NOC3L: variants seen among roughly 807,000 people sequenced by gnomAD.
NOC3L encodes nucleolar complex protein 3 homolog.
Under a neutral mutation model 102.5 loss-of-function variants are expected in NOC3L, and 85 were observed. The observed-to-expected ratio is 0.83, with a 90% CI of 0.70 to 0.99. The LOEUF (loss-of-function observed/expected upper bound fraction) is 0.99, where lower values mean the gene tolerates loss of function less well. NOC3L is among the 50% of genes least tolerant of loss of function. The probability of loss-of-function intolerance (pLI) is 0.00; values close to 1 mark genes in which losing one functional copy is unlikely to be tolerated. For missense variants in NOC3L, 878 were observed against 914.9 expected (o/e 0.96, Z 0.52); for synonymous variants, 303 against 309.4 (o/e 0.98, Z 0.22).
intron 11 of NOC3L, among the ~76,000 whole-genome samples, chr10:94,345,408 T>C (rs2054331674): frequency 6.6e-6 from 1 of 152,076 alleles, no homozygotes; most frequent in Admixed American, 6.5e-5. Flanking sequence ...TTACATACAA[T>C]GCATAAAACT....
intron 1 of NOC3L, 42 bp downstream of exon 1, chr10:94,362,788 G>A (rs1234150456): frequency 6.2e-7 from 1 of 1,612,568 alleles, no homozygotes; most frequent in Non-Finnish European, 8.5e-7. Flanking sequence ...ATCACCCGAA[G>A]GGGCCCTAGG....
intron 5 of NOC3L, 36 bp from the exon 6 acceptor site, chr10:94,355,129 T>A: frequency 1.3e-6 from 2 of 1,536,342 alleles, no homozygotes; most frequent in Non-Finnish European, 1.8e-6. Flanking sequence ...CATATTCCTC[T>A]GCTTACAAGT....
At chr10:94,359,411 C>T (rs993567673) in intron 2 of NOC3L, among the ~76,000 whole-genome samples, 4 of 151,668 alleles carry the variant, frequency 2.6e-5, no homozygotes, top group African/African-American at 7.3e-5. Flanking sequence ...GAAATCGCCA[C>T]TGAACTCCAG....
intron 13 of NOC3L, among the ~76,000 whole-genome samples, chr10:94,342,172 G>C (rs2054292499): frequency 6.6e-6 from 1 of 152,156 alleles, no homozygotes; most frequent in Non-Finnish European, 1.5e-5. Flanking sequence ...AAGAATACTG[G>C]ACCCCAGTAT....
downstream of NOC3L, chr10:94,332,851 A>G: frequency 6.6e-6 from 1 of 152,200 alleles, no homozygotes; most frequent in East Asian, 1.9e-4. Context: ...GATGGGGATT[A>G]GACCCTTTGG....
intron 3 of NOC3L, chr10:94,357,546 G>C: frequency 2.7e-6 from 1 of 365,394 alleles, no homozygotes. Context: ...TCAAACTTTG[G>C]CTACATCCAG....
Position 94,357,277 on chromosome 10 carries a change from T to G in NOC3L, c.405A>C (p.Glu135Asp), listed in dbSNP as rs61729390. Residue 135 changes from glutamate (E) to aspartate (D), a missense_variant, in exon 4 of 21, where the codon GAA (glutamate) becomes GAC (aspartate). Physicochemically the swap from Glu to Asp is conservative, Grantham distance 45. Coordinates refer to ENST00000371361, the MANE Select transcript of NOC3L (RefSeq NM_022451.11). ...CAGTTTGCAGAGTTCTTGGTATTTT[T>G]TCATATTTATCTATAATGCGTTCAT... is the stretch of plus-strand genomic sequence containing the variant. Reference protein sequence around the residue: ...RKHERIIDKYEKIPRTLQTAP... With the variant: ...RKHERIIDKYDKIPRTLQTAP... The G allele has an allele frequency of 6.2e-7, 1 of 1,607,392 alleles. No homozygotes were observed. Among genetic ancestry groups the G allele is most frequent in the Non-Finnish European group, 8.5e-7 (1 of 1,176,810 alleles).
Position 94,338,696 on chromosome 10 carries a change from T to C in NOC3L, c.2003A>G (p.Gln668Arg), listed in dbSNP as rs1644961777. The C allele has an allele frequency of 6.2e-7, 1 of 1,613,354 alleles. No homozygotes were observed. Among genetic ancestry groups the C allele is most frequent in the Admixed American group, 1.7e-5 (1 of 59,994 alleles). ...KTDLLLDSES[Q>R]GSGVFLPELD... Reference sequence around the variant, plus strand: ...TTCAGGAAGGAAAACTCCACTTCCCTGAGATTCACTGTCAAGCAGTAGATC... The same window carrying C: ...TTCAGGAAGGAAAACTCCACTTCCCCGAGATTCACTGTCAAGCAGTAGATC... Residue 668 changes from glutamine (Q) to arginine (R), a missense_variant, in exon 18 of 21, where the codon CAG becomes CGG. Transcript: ENST00000371361.
At chr10:94,353,838 A>G (rs551844491) in intron 6 of NOC3L, among the ~76,000 whole-genome samples, 1 of 152,350 alleles carries the variant, frequency 6.6e-6, no homozygotes, top group South Asian at 2.1e-4. Context: ...AGTCATACAC[A>G]TGAATTAATC....
chr10:94,317,050 A>C, the NOC3L span, among the ~76,000 whole-genome samples: 1 of 152,170 alleles, frequency 6.6e-6, no homozygotes, highest in East Asian at 1.9e-4. Flanking sequence ...CAGGAGTTCA[A>C]GACCAGCCTG....
the NOC3L span, chr10:94,315,483 A>G: frequency 2.2e-6 from 1 of 456,056 alleles, no homozygotes; most frequent in Non-Finnish European, 4.4e-6. Flanking sequence ...TATGAGTGAG[A>G]AAATACATTG....
chr10:94,346,395 A>C, intron 11 of NOC3L, 30 bp downstream of exon 11: 3 of 1,425,402 alleles, frequency 2.1e-6, no homozygotes, highest in Non-Finnish European at 2.8e-6. Flanking sequence ...CAGAAAATTT[A>C]AATGAAACAA....
chr10:94,349,947 A>G (rs371646252), intron 9 of NOC3L, among the ~76,000 whole-genome samples, 166 bp downstream of exon 9: 1 of 152,004 alleles, frequency 6.6e-6, no homozygotes, highest in East Asian at 1.9e-4. Flanking sequence ...TTTAGTAGAG[A>G]TGGGGTTTCA....
Position 94,362,834 on chromosome 10 carries a change from T to A in NOC3L, c.5A>T (p.Lys2Met). M[K>M]ARRNKKQIPS... The stretch of plus-strand genomic sequence containing the variant: ...CGGGCTTTTGAGGACACTTACCGCC[T>A]TCATCCTTAGGCCTTAAATGAATGC... The change falls in exon 1 of 21, where the codon AAG becomes ATG. Residue 2 changes from lysine (K) to methionine (M), a missense_variant. Lys to Met is a moderately conservative substitution (Grantham distance 95). Transcript: ENST00000371361. 2 of 1,614,054 alleles carry A rather than the reference T, an allele frequency of 1.2e-6. No homozygotes were observed. Among genetic ancestry groups the A allele is most frequent in the Non-Finnish European group, 1.7e-6 (2 of 1,180,030 alleles).
chr10:94,322,074 C>T, the NOC3L span: 2 of 1,612,252 alleles, frequency 1.2e-6, no homozygotes, highest in Admixed American at 1.7e-5. Context: ...AAGCCTCTCC[C>T]TTCCTCACCT....
At chr10:94,359,089 T>C (rs1177942050) in intron 2 of NOC3L, among the ~76,000 whole-genome samples, 2 of 152,100 alleles carry the variant, frequency 1.3e-5, no homozygotes, top group East Asian at 3.9e-4. Context: ...AATCTTAGCA[T>C]CTTTCCTAGT....
Position 94,352,341 on chromosome 10 carries a change from A to G in NOC3L, c.921T>C (p.Phe307=), listed in dbSNP as rs765300664. ...CCATTTGTTCCAGATTTTCCAAATA[A>G]AACTTGTATTGGCTAACCAGGCCTT... is the stretch of plus-strand genomic sequence containing the variant. ...FEEGLVSQYK[F]YLENLEQMVK... Residue 307 remains phenylalanine (F), a synonymous_variant, in exon 8 of 21, where the codon TTT becomes TTC. Transcript: ENST00000371361. 6.2e-7 allele frequency: 1 copy of G among 1,613,674 alleles called. No homozygotes were observed. Among genetic ancestry groups the G allele is most frequent in the South Asian group, 1.1e-5 (1 of 91,000 alleles).
chr10:94,359,242 T>C (rs972561452), intron 2 of NOC3L, among the ~76,000 whole-genome samples: 5 of 152,132 alleles, frequency 3.3e-5, no homozygotes, highest in African/African-American at 1.2e-4. Context: ...CTGGCCAACA[T>C]GGTGAAACCC....
chr10:94,354,643 CAA>C (rs2054461375), intron 6 of NOC3L, among the ~76,000 whole-genome samples: 1 of 152,150 alleles, frequency 6.6e-6, no homozygotes, highest in Non-Finnish European at 1.5e-5. Flanking sequence ...AGCAAATTTG[CAA>C]ACAGGTTCCT....
Sources: gnomAD v4.1 joint callset for allele counts (sites outside exome capture counted in the v4.1 genomes callset) on GRCh38, gnomAD v4.1.1 for gene constraint, MANE v1.5 for transcripts, NCBI Gene and HGNC (gene_info 2026-07-23, HGNC 2026-07-21) for gene names.